ABR: variants seen among roughly 807,000 people sequenced by gnomAD.
ABR encodes active breakpoint cluster region-related protein.
In ABR, 35 loss-of-function variants were observed where a neutral mutation model predicts 107.2. The ratio of observed to expected loss-of-function variants is 0.33; its 90% CI spans 0.25 to 0.43. The LOEUF is 0.43. Ranked by LOEUF, ABR falls within the 20% of genes least tolerant of loss-of-function variation. The probability of loss-of-function intolerance (pLI) is 1.00; values close to 1 mark genes in which losing one functional copy is unlikely to be tolerated. For missense variants in ABR, 815 were observed against 1,115.2 expected (o/e 0.73, Z 3.83); for synonymous variants, 498 against 462.0 (o/e 1.08, Z -1.00).
At chr17:1,109,409 G>T (rs1191616697) in intron 2 of ABR, among the ~76,000 whole-genome samples, 1 of 151,928 alleles carries the variant, frequency 6.6e-6, no homozygotes, top group Non-Finnish European at 1.5e-5. Flanking sequence ...CGGGCTCCGG[G>T]GCTCGGGCTC....
At chr17:1,159,350 T>A (rs1416665550) in intron 1 of ABR, among the ~76,000 whole-genome samples, 2 of 103,316 alleles carry the variant, frequency 1.9e-5, no homozygotes, top group African/African-American at 3.4e-5. Flanking sequence ...AAGGGAAGTA[T>A]GCGGTACTCA....
At chr17:1,101,820 G>A (rs895075044) in intron 2 of ABR, among the ~76,000 whole-genome samples, 52 of 150,280 alleles carry the variant, frequency 3.5e-4, no homozygotes, top group East Asian at 1.6e-3. Flanking sequence ...TGCAAGCTCC[G>A]CCTCCCGGGT....
At chr17:1,096,985 G>A (rs531623321) in intron 3 of ABR, among the ~76,000 whole-genome samples, 9 of 150,768 alleles carry the variant, frequency 6.0e-5, no homozygotes, top group African/African-American at 1.5e-4. Flanking sequence ...AACCTGCCCC[G>A]GGAGGAGACA....
In ABR at chr17:1,100,648, C is replaced by A; in HGVS notation, c.334G>T (p.Ala112Ser). ...GGGACTGTACTCACCAGCAACAGGG[C>A]TTCCAGCTGGTTAATGTAGATCTCT... ...SEEIYINQLE[A>S]LLLPMKPLKA... Residue 112 changes from alanine to serine, a missense_variant, in exon 3 of 23, where the codon GCC becomes TCC. Coordinates refer to ENST00000302538, the MANE Select transcript of ABR (RefSeq NM_021962.5). The A allele has an allele frequency of 6.2e-7, 1 of 1,614,190 alleles. No individual in the cohort carries two copies. Among genetic ancestry groups the A allele is most frequent in the Non-Finnish European group, 8.5e-7 (1 of 1,180,030 alleles).
chr17:1,031,739 C>A, intron 16 of ABR: 3 of 1,237,472 alleles, frequency 2.4e-6, no homozygotes, highest in South Asian at 3.5e-5. Flanking sequence ...GGACGTCGGT[C>A]ATGCCGGGGG....
rs371957685 is a variant in ABR at position 1,012,817 on chromosome 17, G to C, written c.1852-20C>G. ...TTTGATCTGGTTGGGGGGTGAGGCA[G>C]GTAAAGATTCCCCAGGGTGTGAGTG... is the stretch of plus-strand genomic sequence containing the variant. On this transcript the variant is annotated intron_variant, in intron 17 of 22. Transcript: ENST00000302538. 1 of 1,549,692 alleles carries C rather than the reference G, an allele frequency of 6.5e-7. No individual in the cohort carries two copies. Among genetic ancestry groups the C allele is most frequent in the African/African-American group, 1.4e-5 (1 of 73,562 alleles).
At chr17:1,048,621 T>C (rs2032011319) in intron 16 of ABR, among the ~76,000 whole-genome samples, 3 of 128,604 alleles carry the variant, frequency 2.3e-5, no homozygotes, top group Non-Finnish European at 3.5e-5. Flanking sequence ...GGCGCCCAGC[T>C]GCGCCTGGAT....
At chr17:1,094,228 G>A (rs959956162) in intron 3 of ABR, among the ~76,000 whole-genome samples, 11 of 152,210 alleles carry the variant, frequency 7.2e-5, no homozygotes, top group African/African-American at 4.8e-5. Flanking sequence ...GGCTTGAGTC[G>A]CAGCTCTGCT....
intron 1 of ABR, among the ~76,000 whole-genome samples, chr17:1,173,306 AC>A (rs1207878128): frequency 4.0e-5 from 3 of 75,664 alleles, no homozygotes; most frequent in East Asian, 6.4e-4. Context: ...ACCTCAGTCC[AC>A]CCCCCCCATC....
At position 1,107,246 on chromosome 17, in the gene ABR, G is replaced by T. The variant is rs117202194; in HGVS notation, c.247-6511C>A. Among the ~76,000 whole-genome samples, 1,235 of 152,350 alleles carry T rather than the reference G, an allele frequency of 8.1e-3. 12 individuals carry two copies. The highest frequency in any genetic ancestry group is 0.041 in the Middle Eastern group (12 of 294). ...ACGTGCTCAGGCTCTCTTGGCATCC[G>T]TGGGCCACCGCCGTACACAGCAGGA... On this transcript the variant is annotated intron_variant, in intron 2 of 22. Coordinates refer to ENST00000302538, the MANE Select transcript of ABR (RefSeq NM_021962.5).
chr17:1,146,939 C>A (rs113750770), intron 1 of ABR, among the ~76,000 whole-genome samples: 4 of 152,240 alleles, frequency 2.6e-5, no homozygotes, highest in African/African-American at 7.2e-5. Flanking sequence ...GGCCACAGAG[C>A]AGGCTCAAGG....
At chr17:1,188,205 C>T (rs2042353446), upstream of ABR, among the ~76,000 whole-genome samples, 1 of 151,764 alleles carries the variant, frequency 6.6e-6, no homozygotes, top group East Asian at 1.9e-4. Context: ...GAGACCCTGT[C>T]TCAAAAAAAC....
intron 16 of ABR, among the ~76,000 whole-genome samples, chr17:1,021,421 T>C (rs758199936): frequency 6.6e-6 from 1 of 152,186 alleles, no homozygotes; most frequent in South Asian, 2.1e-4. Context: ...CTCTCACGGC[T>C]GGCGCTCTTC....
At chr17:1,112,978 T>G (rs4395131) in intron 2 of ABR, among the ~76,000 whole-genome samples, 13,264 of 88,796 alleles carry the variant, frequency 0.15, 834 homozygotes, top group Middle Eastern at 0.28. Context: ...TCAGCAAGCA[T>G]TTGTTAACGC....
chr17:1,090,933 A>G (rs1270241599), intron 4 of ABR, among the ~76,000 whole-genome samples: 1 of 152,208 alleles, frequency 6.6e-6, no homozygotes, highest in African/African-American at 2.4e-5. Flanking sequence ...TCCAGGGGAC[A>G]CAGCCAGAGA....
chr17:1,043,505 A>G (rs2031017597), intron 16 of ABR, among the ~76,000 whole-genome samples: 1 of 151,020 alleles, frequency 6.6e-6, no homozygotes, highest in Non-Finnish European at 1.5e-5. Flanking sequence ...TATGTTATGT[A>G]TATTTCACTA....
At chr17:1,140,266 G>C (rs913564643) in intron 1 of ABR, among the ~76,000 whole-genome samples, 1 of 152,222 alleles carries the variant, frequency 6.6e-6, no homozygotes, top group African/African-American at 2.4e-5. Flanking sequence ...TGGACAGGAA[G>C]GGGGAGCTGG....
rs139041648 is a variant in ABR, at chr17:1,057,685, C to G, written c.1381+285G>C. 9.1e-3 allele frequency among the ~76,000 whole-genome samples: 895 copies of G among 97,946 alleles called. 10 individuals carry two copies. Among genetic ancestry groups the G allele is most frequent in the African/African-American group, 0.03 (847 of 28,104 alleles). 64.3% of individuals were successfully genotyped at this position (97,946 alleles called of 152,430 possible). A position where few individuals can be genotyped will look rare whatever the true frequency, so the allele number is the denominator to read the frequency against. ...TGTGTGTGTGTGTGTGTGTGTGTGT[C>G]TCTGTGTGTGTGTGTGTGAGAGAGA... On this transcript the variant is annotated intron_variant, in intron 12 of 22. Transcript: ENST00000302538.
At chr17:1,216,538 T>C (rs2150750621) in intron 1 of ABR, among the ~76,000 whole-genome samples, 1 of 152,338 alleles carries the variant, frequency 6.6e-6, no homozygotes, top group Middle Eastern at 3.4e-3. Flanking sequence ...CCATTCACAT[T>C]GCCCATCTTC....
Sources: allele counts gnomAD v4.1 joint callset (sites outside exome capture counted in the v4.1 genomes callset), GRCh38; gene constraint gnomAD v4.1.1; transcripts MANE v1.5; gene names NCBI Gene and HGNC (gene_info 2026-07-23, HGNC 2026-07-21).